The following DPP10 variants were observed in gnomAD, a reference collection of about 807,000 sequenced individuals.
The protein encoded by DPP10 is dipeptidyl peptidase like 10.
Under a neutral mutation model 120.9 loss-of-function variants are expected in DPP10, and 33 were observed. The ratio of observed to expected loss-of-function variants is 0.27; its 90% confidence interval spans 0.21 to 0.37. The LOEUF is 0.37. Ranked by LOEUF, DPP10 falls within the 10% of genes least tolerant of loss-of-function variation. DPP10 has a pLI of 1.00. For missense variants in DPP10, 816 were observed against 942.8 expected, an observed-to-expected ratio of 0.87 and a Z score of 1.76; for synonymous variants, 337 against 326.1, an observed-to-expected ratio of 1.03 and a Z score of -0.36.
intron 1 of DPP10, among the ~76,000 whole-genome samples, chr2:114,535,268 G>T (rs543654002): frequency 1.3e-5 from 2 of 151,924 alleles, no homozygotes; most frequent in Non-Finnish European, 2.9e-5. Context: ...ACATCATCTC[G>T]CCTCCATAAA....
chr2:114,753,986 G>A (rs72959538), intron 1 of DPP10, among the ~76,000 whole-genome samples: 3,222 of 150,976 alleles, frequency 0.021, 121 homozygotes, highest in African/African-American at 0.075. Context: ...TTGAAACTAT[G>A]AAGAGAAAAT....
intron 4 of DPP10, among the ~76,000 whole-genome samples, chr2:115,518,790 T>C (rs772522380): frequency 1.3e-5 from 2 of 152,178 alleles, no homozygotes; most frequent in South Asian, 4.1e-4. Context: ...TTACACACAT[T>C]GTATAAGGCC....
intron 1 of DPP10, among the ~76,000 whole-genome samples, chr2:115,187,019 C>CTTTTTTTT (rs147014349): frequency 4.7e-5 from 3 of 63,180 alleles, no homozygotes; most frequent in African/African-American, 1.6e-4. Flanking sequence ...TGCAAAGATT[C>CTTTTTTTT]TTTTTTTTTT....
intron 2 of DPP10, among the ~76,000 whole-genome samples, chr2:115,313,041 G>T (rs149874187): frequency 6.6e-6 from 1 of 152,086 alleles, no homozygotes; most frequent in East Asian, 1.9e-4. Context: ...GGCCAACATG[G>T]TGAAACCCCA....
intron 3 of DPP10, among the ~76,000 whole-genome samples, chr2:115,414,812 C>T (rs997428596): frequency 6.6e-6 from 1 of 152,144 alleles, no homozygotes; most frequent in Non-Finnish European, 1.5e-5. Flanking sequence ...ACAATTCATG[C>T]ATCAAAAGCC....
At chr2:115,325,701 C>G (rs1169911160) in intron 2 of DPP10, among the ~76,000 whole-genome samples, 1 of 151,724 alleles carries the variant, frequency 6.6e-6, no homozygotes, top group Non-Finnish European at 1.5e-5. Context: ...ATATAAATAA[C>G]AAAATGAAAA....
intron 1 of DPP10, among the ~76,000 whole-genome samples, chr2:114,900,573 T>C (rs1693476091): frequency 6.6e-6 from 1 of 152,244 alleles, no homozygotes; most frequent in Admixed American, 6.5e-5. Context: ...CTACAATTGC[T>C]ATGTACATTC....
intron 1 of DPP10, among the ~76,000 whole-genome samples, chr2:115,033,705 T>TTTA (rs1187329500): frequency 4.7e-5 from 7 of 148,348 alleles, no homozygotes; most frequent in African/African-American, 1.7e-4. Context: ...TCCTTTTTTT[T>TTTA]TTTTTTATTT....
intron 4 of DPP10, among the ~76,000 whole-genome samples, chr2:115,513,427 C>G (rs1264213717): frequency 6.6e-6 from 1 of 151,722 alleles, no homozygotes; most frequent in Non-Finnish European, 1.5e-5. Context: ...TATTTGTTTT[C>G]TACATATCAT....
At chr2:115,420,559 C>T (rs990997527) in intron 3 of DPP10, among the ~76,000 whole-genome samples, 3 of 152,112 alleles carry the variant, frequency 2.0e-5, no homozygotes, top group Admixed American at 1.3e-4. Context: ...TCATGTTGCT[C>T]GGGCACAATG....
intron 3 of DPP10, among the ~76,000 whole-genome samples, chr2:115,489,610 G>A (rs2075990095): frequency 6.7e-6 from 1 of 149,524 alleles, no homozygotes; most frequent in African/African-American, 2.5e-5. Context: ...TGTAAAACTG[G>A]CGCTTTTTTT....
intron 5 of DPP10, among the ~76,000 whole-genome samples, chr2:115,541,780 A>G (rs956331799): frequency 4.6e-5 from 7 of 151,992 alleles, no homozygotes; most frequent in African/African-American, 1.4e-4. Context: ...AGCACAGAAC[A>G]AAACAAATGA....
At chr2:115,828,672 G>A (rs1387703316) in intron 21 of DPP10, among the ~76,000 whole-genome samples, 1 of 151,720 alleles carries the variant, frequency 6.6e-6, no homozygotes, top group African/African-American at 2.4e-5. Flanking sequence ...CATCATTCAG[G>A]GATCAATGTC....
intron 13 of DPP10, among the ~76,000 whole-genome samples, chr2:115,776,935 G>A (rs1157553238): frequency 6.6e-6 from 1 of 151,884 alleles, no homozygotes; most frequent in Non-Finnish European, 1.5e-5. Flanking sequence ...TACCTTGGAA[G>A]CAAATGCTGC....
rs1269594859 is a variant in DPP10 at position 115,680,101 on chromosome 2, G to T, written c.442-9586G>T. Reference sequence around the variant, plus strand: ...TATACATGTATAAAAATATCACATTGTATTCCCCAAAATATGTACAATTTT... The same window carrying T: ...TATACATGTATAAAAATATCACATTTTATTCCCCAAAATATGTACAATTTT... On this transcript the variant is annotated intron_variant, in intron 5 of 25. Transcript: ENST00000410059. 2.6e-5 allele frequency among the ~76,000 whole-genome samples: 4 copies of T among 151,836 alleles called. No homozygotes were observed. In the East Asian group the frequency reaches 5.8e-4, roughly 22 times the overall value.
At chr2:114,522,480 A>G (rs955804223) in intron 1 of DPP10, among the ~76,000 whole-genome samples, 2 of 152,216 alleles carry the variant, frequency 1.3e-5, no homozygotes, top group African/African-American at 4.8e-5. Flanking sequence ...TTGAATCTAT[A>G]TATACTTAGA....
intron 1 of DPP10, among the ~76,000 whole-genome samples, chr2:115,287,255 G>A (rs1302739262): frequency 2.6e-5 from 4 of 152,008 alleles, no homozygotes; most frequent in African/African-American, 9.7e-5. Flanking sequence ...TTTGAGATAT[G>A]TGCATTTTAC....
intron 1 of DPP10, chr2:114,835,613 T>A (rs964958369): frequency 5.3e-5 from 8 of 152,196 alleles, no homozygotes; most frequent in Non-Finnish European, 2.9e-5. Context: ...ATCCATTTAA[T>A]CCAATCAGTC....
rs1682926182 is a variant in DPP10 at position 114,499,048 on chromosome 2, C to T, written c.60+56210C>T. ...CATGCTGAATGAGATAAGCCAGGAA[C>T]AGAAAGACAAATCCCATAGTCCTGA... is the stretch of plus-strand genomic sequence containing the variant. On this transcript the variant is annotated intron_variant, in intron 1 of 25. Coordinates refer to ENST00000410059, the MANE Select transcript of DPP10 (RefSeq NM_020868.6). Among the ~76,000 whole-genome samples the T allele has an allele frequency of 2.0e-5, 3 of 152,212 alleles. No homozygotes were observed. The South Asian group carries it at 6.2e-4, about 31-fold the overall frequency.
Sources: allele counts gnomAD v4.1 joint callset (sites outside exome capture counted in the v4.1 genomes callset), GRCh38; gene constraint gnomAD v4.1.1; transcripts MANE v1.5; gene names NCBI Gene and HGNC (gene_info 2026-07-23, HGNC 2026-07-21).